The following TUSC3 variants were observed in gnomAD, a reference collection of about 807,000 sequenced individuals.
TUSC3 encodes dolichyl-diphosphooligosaccharide--protein glycosyltransferase subunit TUSC3.
In TUSC3, 45 loss-of-function variants were observed where a neutral mutation model predicts 44.8. That is an observed-to-expected ratio of 1.00 (90% CI 0.79 to 1.29). TUSC3 has a LOEUF of 1.29. TUSC3 is among the 50% of genes most tolerant of loss of function. The pLI is 0.00. For synonymous variants in TUSC3, 212 were observed against 152.9 expected, an observed-to-expected ratio of 1.39 and a Z score of -2.85; for missense variants, 519 against 437.9, an observed-to-expected ratio of 1.19 and a Z score of -1.65.
intron 6 of TUSC3, among the ~76,000 whole-genome samples, chr8:15,677,519 G>T (rs1249235204): frequency 6.6e-6 from 1 of 152,152 alleles, no homozygotes; most frequent in African/African-American, 2.4e-5. Flanking sequence ...CTTTTTTGGG[G>T]AAGTTACTTA....
the TUSC3 span, among the ~76,000 whole-genome samples, chr8:15,786,795 A>ATAGCTGGG: frequency 1.3e-5 from 2 of 151,592 alleles, no homozygotes; most frequent in Admixed American, 1.3e-4. Context: ...TTAAAAAAAA[A>ATAGCTGGG]TAGCTGGGTG....
At chr8:15,570,444 G>A (rs1802832718) in intron 1 of TUSC3, among the ~76,000 whole-genome samples, 1 of 152,120 alleles carries the variant, frequency 6.6e-6, no homozygotes. Context: ...AATTCAGATA[G>A]AGGCCTATGT....
intron 2 of TUSC3, among the ~76,000 whole-genome samples, chr8:15,516,908 A>G (rs188831753): frequency 6.6e-6 from 1 of 152,266 alleles, no homozygotes; most frequent in East Asian, 1.9e-4. Context: ...AATTTTAAGG[A>G]GTGAGATTAA....
intron 1 of TUSC3, among the ~76,000 whole-genome samples, chr8:15,583,630 A>G (rs963173444): frequency 9.9e-5 from 15 of 152,200 alleles, no homozygotes; most frequent in Non-Finnish European, 1.3e-4. Flanking sequence ...TTGAAGTGCA[A>G]TTGGCTGCTT....
chr8:15,498,611 G>A (rs557606830), intron 2 of TUSC3, among the ~76,000 whole-genome samples: 69 of 152,326 alleles, frequency 4.5e-4, no homozygotes, highest in African/African-American at 1.6e-3. Flanking sequence ...GAATTAGGTG[G>A]AGAGTTGGAA....
chr8:15,516,189 C>G (rs976626396), intron 2 of TUSC3, among the ~76,000 whole-genome samples: 2 of 152,120 alleles, frequency 1.3e-5, no homozygotes, highest in African/African-American at 4.8e-5. Context: ...AGATACTTCA[C>G]TGATCTTAGA....
chr8:15,524,239 C>T (rs1801343426), intron 2 of TUSC3, among the ~76,000 whole-genome samples: 2 of 151,788 alleles, frequency 1.3e-5, no homozygotes, highest in South Asian at 2.1e-4. Flanking sequence ...AGTTAATTTG[C>T]AGTTTTTAAA....
intron 2 of TUSC3, among the ~76,000 whole-genome samples, chr8:15,638,749 C>G (rs549006934): frequency 1.3e-5 from 2 of 152,222 alleles, no homozygotes; most frequent in African/African-American, 4.8e-5. Context: ...TGGTCTCAAC[C>G]TCCCAACCTC....
intron 2 of TUSC3, among the ~76,000 whole-genome samples, chr8:15,528,530 C>G (rs1801406866): frequency 6.6e-6 from 1 of 152,184 alleles, no homozygotes; most frequent in Non-Finnish European, 1.5e-5. Context: ...TATTCTGCAG[C>G]AAACTCATAT....
At chr8:15,575,049 C>G (rs1279764241) in intron 1 of TUSC3, among the ~76,000 whole-genome samples, 1 of 152,020 alleles carries the variant, frequency 6.6e-6, no homozygotes, top group African/African-American at 2.4e-5. Context: ...AATTTTTATA[C>G]TGACTATAAA....
chr8:15,554,361 C>G (rs1362743002), intron 1 of TUSC3, among the ~76,000 whole-genome samples: 1 of 151,740 alleles, frequency 6.6e-6, no homozygotes, highest in Non-Finnish European at 1.5e-5. Flanking sequence ...AGCACCATTG[C>G]ATGCTTTGCT....
At chr8:15,738,619 A>G (rs1811035787) in intron 7 of TUSC3, among the ~76,000 whole-genome samples, 1 of 152,094 alleles carries the variant, frequency 6.6e-6, no homozygotes, top group Admixed American at 6.6e-5. Context: ...TTTCTGCTCT[A>G]TAGGCTGTGG....
chr8:15,496,342 G>C (rs1026063401), intron 2 of TUSC3, among the ~76,000 whole-genome samples: 1 of 152,102 alleles, frequency 6.6e-6, no homozygotes, highest in African/African-American at 2.4e-5. Flanking sequence ...ATTATTCCAC[G>C]CCTCTAGGGG....
At chr8:15,613,261 GTGCTTTTCT>G (rs1409783554) in intron 1 of TUSC3, among the ~76,000 whole-genome samples, 5 of 151,274 alleles carry the variant, frequency 3.3e-5, no homozygotes, top group African/African-American at 1.2e-4. Flanking sequence ...ATTTAGCACA[GTGCTTTTCT>G]TGTAATACTC....
chr8:15,640,301 T>C (rs73195122), intron 2 of TUSC3, among the ~76,000 whole-genome samples: 20 of 152,320 alleles, frequency 1.3e-4, no homozygotes, highest in Non-Finnish European at 2.4e-4. Context: ...GGAGTCACTG[T>C]TGGAAACTTA....
chr8:15,431,810 T>C (rs1360456904), intron 1 of TUSC3, among the ~76,000 whole-genome samples: 5 of 152,102 alleles, frequency 3.3e-5, no homozygotes, highest in Non-Finnish European at 5.9e-5. Flanking sequence ...TTGTCATATA[T>C]GGACCTTATT....
the TUSC3 span, among the ~76,000 whole-genome samples, chr8:15,795,768 A>G: frequency 6.6e-6 from 1 of 152,190 alleles, no homozygotes; most frequent in Non-Finnish European, 1.5e-5. Flanking sequence ...GGCTGCCCAA[A>G]CGGCTGGTAA....
At chr8:15,605,327 C>G (rs1054656282) in intron 1 of TUSC3, among the ~76,000 whole-genome samples, 11 of 151,842 alleles carry the variant, frequency 7.2e-5, no homozygotes, top group Admixed American at 1.3e-4. Flanking sequence ...TAAACTGTCT[C>G]TAACTGGCAA....
chr8:15,434,614 C>T (rs1056855844), intron 1 of TUSC3, among the ~76,000 whole-genome samples: 2 of 149,414 alleles, frequency 1.3e-5, no homozygotes, highest in Admixed American at 6.7e-5. Context: ...ATGTGCCATG[C>T]TGGTGTGCTG....
Sources: gnomAD v4.1 joint callset for allele counts (sites outside exome capture counted in the v4.1 genomes callset) on GRCh38, gnomAD v4.1.1 for gene constraint, MANE v1.5 for transcripts, NCBI Gene and HGNC (gene_info 2026-07-23, HGNC 2026-07-21) for gene names.